The following TMEM132C variants were observed in gnomAD, a reference collection of about 807,000 sequenced individuals.
TMEM132C encodes protein phosphatase 1, regulatory subunit 152.
Under a neutral mutation model 61.4 loss-of-function variants are expected in TMEM132C, and 29 were observed. That is an observed-to-expected ratio of 0.47 (90% CI 0.35 to 0.64). TMEM132C has a LOEUF of 0.64. TMEM132C is among the 30% of genes least tolerant of loss of function. The probability of loss-of-function intolerance (pLI) is 0.00; values close to 1 mark genes in which losing one functional copy is unlikely to be tolerated. For missense variants in TMEM132C, 1,408 were observed against 1,476.9 expected, an observed-to-expected ratio of 0.95 and a Z score of 0.76; for synonymous variants, 656 against 633.1, an observed-to-expected ratio of 1.04 and a Z score of -0.54.
At chr12:128,287,251 C>T (rs1397686619) in intron 1 of TMEM132C, among the ~76,000 whole-genome samples, 1 of 152,150 alleles carries the variant, frequency 6.6e-6, no homozygotes, top group African/African-American at 2.4e-5. Flanking sequence ...CATTGAGAAC[C>T]TCTGGTTTAA....
intron 4 of TMEM132C, among the ~76,000 whole-genome samples, chr12:128,624,007 G>C (rs1406681649): frequency 1.3e-5 from 2 of 152,150 alleles, no homozygotes; most frequent in Non-Finnish European, 2.9e-5. Context: ...GGTAGGAGGA[G>C]GGCCCAGGAG....
At chr12:128,579,623 A>T (rs1479034655) in intron 3 of TMEM132C, among the ~76,000 whole-genome samples, 3 of 152,234 alleles carry the variant, frequency 2.0e-5, no homozygotes, top group Non-Finnish European at 4.4e-5. Context: ...AATATGTTGG[A>T]TGGCAGAACC....
chr12:128,382,067 A>G (rs1874419150), intron 1 of TMEM132C, among the ~76,000 whole-genome samples: 1 of 151,040 alleles, frequency 6.6e-6, no homozygotes, highest in African/African-American at 2.4e-5. Context: ...GTACACAAAT[A>G]ATACATTCAT....
intron 1 of TMEM132C, among the ~76,000 whole-genome samples, chr12:128,317,705 CA>C (rs1254627818): frequency 6.6e-6 from 1 of 152,124 alleles, no homozygotes; most frequent in Admixed American, 6.5e-5. Flanking sequence ...GCCAACATGG[CA>C]AAACCTCGTC....
chr12:128,693,824 T>C lies in TMEM132C; in HGVS notation c.1450-5T>C, dbSNP rs907061275. 6.4e-7 allele frequency: 1 copy of C among 1,551,764 alleles called. No homozygotes were observed. The highest frequency in any genetic ancestry group is 8.7e-7 in the Non-Finnish European group (1 of 1,146,998). ...CCTCCATCCTTTCTCCCTCTGTCTTTGCAGGTGTCTGAGCGCTGTGACTAC... is the reference window on the plus strand; with the variant it reads ...CCTCCATCCTTTCTCCCTCTGTCTTCGCAGGTGTCTGAGCGCTGTGACTAC... On this transcript the variant is annotated splice_polypyrimidine_tract_variant and splice_region_variant and intron_variant, in intron 5 of 8. Transcript: ENST00000435159.
intron 1 of TMEM132C, among the ~76,000 whole-genome samples, chr12:128,374,715 G>T (rs1247348330): frequency 6.6e-6 from 1 of 151,900 alleles, no homozygotes; most frequent in Non-Finnish European, 1.5e-5. Flanking sequence ...ACAGTGCAGA[G>T]ATAAGGCCAG....
At chr12:128,485,618 G>A (rs1871465703) in intron 2 of TMEM132C, among the ~76,000 whole-genome samples, 1 of 151,932 alleles carries the variant, frequency 6.6e-6, no homozygotes, top group Admixed American at 6.6e-5. Context: ...GTAGGTGGAG[G>A]CCAGGATACT....
At chr12:128,605,777 C>T (rs1876401308) in intron 3 of TMEM132C, among the ~76,000 whole-genome samples, 2 of 152,182 alleles carry the variant, frequency 1.3e-5, no homozygotes, top group Non-Finnish European at 2.9e-5. Flanking sequence ...TCCTGGGCAG[C>T]AAGGTTGGTT....
intron 7 of TMEM132C, 102 bp downstream of exon 7, chr12:128,696,205 A>T: frequency 7.1e-7 from 1 of 1,416,632 alleles, no homozygotes; most frequent in Non-Finnish European, 9.5e-7. Context: ...TCCCCAACCC[A>T]TGTGTATCAT....
chr12:128,438,780 C>T (rs1010518331), intron 2 of TMEM132C: 1 of 152,224 alleles, frequency 6.6e-6, no homozygotes, highest in African/African-American at 2.4e-5. Context: ...CTCCCCAAAG[C>T]CTCTGGAAGC....
intron 1 of TMEM132C, among the ~76,000 whole-genome samples, chr12:128,279,193 C>T (rs1387379148): frequency 6.6e-6 from 1 of 152,298 alleles, no homozygotes; most frequent in African/African-American, 2.4e-5. Context: ...TCCAAGCACA[C>T]TCATTATCTC....
At chr12:128,511,388 G>A (rs939101084) in intron 2 of TMEM132C, among the ~76,000 whole-genome samples, 1 of 152,194 alleles carries the variant, frequency 6.6e-6, no homozygotes, top group Admixed American at 6.5e-5. Context: ...CAAGTTTAGG[G>A]AGTTCCCAAA....
intron 3 of TMEM132C, among the ~76,000 whole-genome samples, chr12:128,564,455 G>T (rs910457324): frequency 1.8e-4 from 28 of 152,172 alleles, no homozygotes; most frequent in African/African-American, 6.0e-4. Flanking sequence ...GGCCTGGGGA[G>T]CGTCAAGGCC....
At chr12:128,618,244 T>C (rs1876874575) in intron 4 of TMEM132C, among the ~76,000 whole-genome samples, 1 of 152,222 alleles carries the variant, frequency 6.6e-6, no homozygotes, top group Admixed American at 6.5e-5. Flanking sequence ...GATATTATAA[T>C]GGTCCTTTTC....
At chr12:128,456,148 A>G (rs1223000255) in intron 2 of TMEM132C, among the ~76,000 whole-genome samples, 3 of 151,994 alleles carry the variant, frequency 2.0e-5, no homozygotes, top group Non-Finnish European at 2.9e-5. Context: ...ATGGCAGCCT[A>G]CACACCACGT....
At chr12:128,669,691 C>G (rs777294064) in intron 5 of TMEM132C, 131 bp downstream of exon 5, 204 of 1,150,130 alleles carry the variant, frequency 1.8e-4, no homozygotes, top group Middle Eastern at 3.0e-4. Context: ...ACACTTCCAG[C>G]TGATCCACTC....
chr12:128,421,391 T>C (rs981542919), intron 2 of TMEM132C, among the ~76,000 whole-genome samples: 2 of 152,242 alleles, frequency 1.3e-5, no homozygotes, highest in Non-Finnish European at 2.9e-5. Flanking sequence ...GGTCCATTGC[T>C]GGATCTTTTC....
chr12:128,459,674 G>A (rs188478269), intron 2 of TMEM132C, among the ~76,000 whole-genome samples: 1 of 151,760 alleles, frequency 6.6e-6, no homozygotes, highest in Non-Finnish European at 1.5e-5. Context: ...GGTGGATCAC[G>A]AGGAATTCAA....
intron 1 of TMEM132C, among the ~76,000 whole-genome samples, chr12:128,308,696 C>T (rs1048971979): frequency 1.3e-5 from 2 of 152,090 alleles, no homozygotes; most frequent in African/African-American, 4.8e-5. Context: ...CTGTTTTTGG[C>T]CAGCCATTGT....
Sources: allele counts gnomAD v4.1 joint callset (sites outside exome capture counted in the v4.1 genomes callset), GRCh38; gene constraint gnomAD v4.1.1; transcripts MANE v1.5; gene names NCBI Gene and HGNC (gene_info 2026-07-23, HGNC 2026-07-21).